The following AOPEP variants were observed in gnomAD, a reference collection of about 807,000 sequenced individuals.
The protein encoded by AOPEP is aminopeptidase O.
A neutral mutation model predicts 98.1 loss-of-function variants in AOPEP; 77 were observed. That is an observed-to-expected ratio of 0.78 (90% CI 0.65 to 0.95). AOPEP has a LOEUF of 0.95. Ranked by LOEUF, AOPEP falls within the 40% of genes least tolerant of loss-of-function variation. The pLI, the probability that AOPEP is intolerant of heterozygous loss-of-function variation, is 0.00. For synonymous variants in AOPEP, 346 were observed against 365.3 expected (o/e 0.95, Z 0.60); for missense variants, 1,024 against 1,024.7 (o/e 1.00, Z 0.01).
intron 7 of AOPEP, among the ~76,000 whole-genome samples, chr9:94,951,370 G>A (rs2058088113): frequency 6.6e-6 from 1 of 152,226 alleles, no homozygotes. Context: ...GGGCCCCAGA[G>A]TGTAGCAAGG....
chr9:95,003,167 C>T (rs10993453), intron 11 of AOPEP, among the ~76,000 whole-genome samples: 7,682 of 94,044 alleles, frequency 0.082, 595 homozygotes, highest in African/African-American at 0.28. Context: ...TGTGTGTGTG[C>T]GCGCGCGCGC....
intron 5 of AOPEP, among the ~76,000 whole-genome samples, chr9:94,821,423 G>A (rs1370177170): frequency 6.6e-6 from 1 of 152,226 alleles, no homozygotes; most frequent in African/African-American, 2.4e-5. Flanking sequence ...TGTTAAAATG[G>A]AAGGATGTTG....
intron 5 of AOPEP, among the ~76,000 whole-genome samples, chr9:94,808,308 GGGATTAC>G (rs1849698644): frequency 6.6e-6 from 1 of 152,180 alleles, no homozygotes; most frequent in South Asian, 2.1e-4. Context: ...CTGAAGTGCT[GGGATTAC>G]AGGCGTGAGC....
intron 13 of AOPEP, among the ~76,000 whole-genome samples, chr9:95,007,918 C>T (rs541029114): frequency 5.3e-5 from 8 of 152,084 alleles, no homozygotes; most frequent in South Asian, 2.1e-4. Flanking sequence ...TAGTAGGAGC[C>T]GACGCAGTTC....
At chr9:94,922,281 C>T (rs2053738467) in intron 5 of AOPEP, among the ~76,000 whole-genome samples, 1 of 152,220 alleles carries the variant, frequency 6.6e-6, no homozygotes, top group South Asian at 2.1e-4. Flanking sequence ...AGCGATTTCG[C>T]AGTCATCCAC....
At chr9:94,969,491 A>G (rs1176627938) in intron 10 of AOPEP, among the ~76,000 whole-genome samples, 3 of 151,412 alleles carry the variant, frequency 2.0e-5, no homozygotes, top group African/African-American at 7.3e-5. Context: ...GCTCACTGCA[A>G]GCTCCACCTG....
rs536985518 is a variant in AOPEP, at chr9:94,732,319, C to T, written c.-136+5568C>T. On this transcript the variant is annotated intron_variant, in intron 1 of 16. Coordinates refer to ENST00000375315, the MANE Select transcript of AOPEP (RefSeq NM_001193329.3). The stretch of plus-strand genomic sequence containing the variant: ...ATCAAGTAAGAATGGGTACTAATTC[C>T]CATCTCTTTTACAAAGCATTAAAAA... Among the ~76,000 whole-genome samples the T allele has an allele frequency of 4.6e-5, 7 of 151,944 alleles. No homozygotes were observed. The East Asian group carries it at 1.4e-3, about 29-fold the overall frequency.
chr9:94,760,918 A>G (rs559898230), intron 2 of AOPEP, among the ~76,000 whole-genome samples: 7 of 152,294 alleles, frequency 4.6e-5, no homozygotes, highest in African/African-American at 1.7e-4. Context: ...TGGGAGTGAT[A>G]CGTCTCCGAG....
chr9:94,843,243 A>G (rs1413563982), intron 5 of AOPEP, among the ~76,000 whole-genome samples: 1 of 151,838 alleles, frequency 6.6e-6, no homozygotes, highest in Non-Finnish European at 1.5e-5. Context: ...TGTTTCCCTT[A>G]CCTAGCCTCC....
At chr9:94,839,848 A>G (rs762122201) in intron 5 of AOPEP, among the ~76,000 whole-genome samples, 18 of 152,064 alleles carry the variant, frequency 1.2e-4, no homozygotes, top group Admixed American at 1.3e-4. Context: ...AGCTCACTAC[A>G]GTGTCAACCT....
chr9:94,757,398 C>T (rs1008312753), intron 1 of AOPEP, among the ~76,000 whole-genome samples: 1 of 152,218 alleles, frequency 6.6e-6, no homozygotes, highest in African/African-American at 2.4e-5. Flanking sequence ...ACTTAAAACA[C>T]ATACCACGTA....
chr9:95,113,955 G>A, the AOPEP span: 1 of 155,758 alleles, frequency 6.4e-6, no homozygotes, highest in African/African-American at 2.4e-5. Flanking sequence ...AGGTGTGGTG[G>A]TACACGCCTG....
rs558727474 is a variant in AOPEP at position 94,741,657 on chromosome 9, A to G, written c.-136+14906A>G. On this transcript the variant is annotated intron_variant, in intron 1 of 16. Coordinates refer to ENST00000375315, the MANE Select transcript of AOPEP (RefSeq NM_001193329.3). Reference sequence around the variant, plus strand: ...CTCTTAGTGGTATGGTTCTATAGAGAGGAGAGACTTGGACAGGTTATATAA... The same window carrying G: ...CTCTTAGTGGTATGGTTCTATAGAGGGGAGAGACTTGGACAGGTTATATAA... 5.3e-5 allele frequency among the ~76,000 whole-genome samples: 8 copies of G among 152,004 alleles called. No homozygotes were observed. In the South Asian group the frequency reaches 8.4e-4, roughly 16 times the overall value.
intron 15 of AOPEP, among the ~76,000 whole-genome samples, chr9:95,082,246 G>C (rs909299479): frequency 2.6e-5 from 4 of 152,176 alleles, no homozygotes; most frequent in African/African-American, 9.7e-5. Context: ...GTAATTCTGG[G>C]AACCATCTCT....
At chr9:95,077,392 G>A (rs894232521) in intron 14 of AOPEP, among the ~76,000 whole-genome samples, 3 of 152,210 alleles carry the variant, frequency 2.0e-5, no homozygotes, top group African/African-American at 4.8e-5. Context: ...CAGGGAGGCC[G>A]GTCGCCCCGC....
intron 5 of AOPEP, among the ~76,000 whole-genome samples, chr9:94,823,542 T>C (rs773610634): frequency 6.6e-6 from 1 of 152,190 alleles, no homozygotes; most frequent in African/African-American, 2.4e-5. Flanking sequence ...CTGGAGCATC[T>C]AATGAAGTCT....
chr9:95,007,457 C>A (rs1258639631), intron 13 of AOPEP, among the ~76,000 whole-genome samples: 1 of 152,118 alleles, frequency 6.6e-6, no homozygotes, highest in Non-Finnish European at 1.5e-5. Context: ...CCTCTTGATA[C>A]AAGCTCTTGC....
intron 13 of AOPEP, among the ~76,000 whole-genome samples, chr9:95,038,507 T>C (rs1361775194): frequency 6.6e-6 from 1 of 152,216 alleles, no homozygotes; most frequent in Non-Finnish European, 1.5e-5. Flanking sequence ...TCCAGGCCAC[T>C]ACCTGGCTAA....
At chr9:95,135,523 A>G in the AOPEP span, 2 of 1,611,552 alleles carry the variant, frequency 1.2e-6, no homozygotes, top group Non-Finnish European at 1.7e-6. Context: ...GAAATAAACA[A>G]AATTTTAAAC....
Sources: allele counts gnomAD v4.1 joint callset (sites outside exome capture counted in the v4.1 genomes callset), GRCh38; gene constraint gnomAD v4.1.1; transcripts MANE v1.5; gene names NCBI Gene and HGNC (gene_info 2026-07-23, HGNC 2026-07-21).